LRRC37A2: variants seen among roughly 807,000 people sequenced by gnomAD.
The protein encoded by LRRC37A2 is leucine rich repeat containing 37 member A2, also known as leucine-rich repeat-containing protein 37A2.
A neutral mutation model predicts 68.8 loss-of-function variants in LRRC37A2; 9 were observed. The observed-to-expected ratio is 0.13, with a 90% CI of 0.08 to 0.23. The LOEUF is 0.23. LRRC37A2 is among the 10% of genes least tolerant of loss of function. The pLI is 1.00. For missense variants in LRRC37A2, 168 were observed against 950.4 expected (o/e 0.18, Z 10.82); for synonymous variants, 63 against 367.6 (o/e 0.17, Z 9.48).
the LRRC37A2 span, among the ~76,000 whole-genome samples, chr17:46,925,293 C>T: frequency 6.6e-6 from 1 of 152,206 alleles, no homozygotes; most frequent in Non-Finnish European, 1.5e-5. Context: ...AAGCAGTGGG[C>T]CAGCTTTGCC....
the LRRC37A2 span, among the ~76,000 whole-genome samples, chr17:46,602,784 A>G: frequency 6.8e-6 from 1 of 146,346 alleles, no homozygotes; most frequent in East Asian, 2.0e-4. Flanking sequence ...AATAATATTG[A>G]TATAATTTTG....
the LRRC37A2 span, among the ~76,000 whole-genome samples, chr17:46,789,313 T>C: frequency 0.015 from 2,232 of 152,212 alleles, 54 homozygotes; most frequent in African/African-American, 0.051. Context: ...CCAAGGACAG[T>C]CCCTGACCAG....
At chr17:46,876,848 G>A in the LRRC37A2 span, 1 of 1,425,294 alleles carries the variant, frequency 7.0e-7, no homozygotes, top group African/African-American at 1.4e-5. Context: ...CAATGCACAC[G>A]AGTGTGCCAC....
At chr17:46,890,436 A>AT in the LRRC37A2 span, among the ~76,000 whole-genome samples, 1 of 152,182 alleles carries the variant, frequency 6.6e-6, no homozygotes, top group Admixed American at 6.5e-5. Flanking sequence ...CTGGACTGCC[A>AT]TCAGGAGCTC....
At chr17:46,822,058 C>T in the LRRC37A2 span, among the ~76,000 whole-genome samples, 8 of 152,174 alleles carry the variant, frequency 5.3e-5, no homozygotes, top group Admixed American at 4.6e-4. Flanking sequence ...AAGGGAGAGG[C>T]GAAGCCGTTG....
the LRRC37A2 span, among the ~76,000 whole-genome samples, chr17:46,963,506 CGCACTCCAGCCTGG>C: frequency 5.4e-5 from 8 of 149,332 alleles, no homozygotes; most frequent in East Asian, 1.6e-3. Flanking sequence ...GATCACACCA[CGCACTCCAGCCTGG>C]GCGACAGAGT....
chr17:46,678,792 A>G, the LRRC37A2 span, among the ~76,000 whole-genome samples: 1 of 130,414 alleles, frequency 7.7e-6, no homozygotes, highest in Non-Finnish European at 1.6e-5. Flanking sequence ...ATAAGCAACA[A>G]CTAGCTAGTA....
the LRRC37A2 span, among the ~76,000 whole-genome samples, chr17:47,036,594 A>C: frequency 2.6e-5 from 4 of 152,052 alleles, no homozygotes; most frequent in Non-Finnish European, 4.4e-5. Flanking sequence ...TAAAAAAAAA[A>C]ACATTATTTC....
the LRRC37A2 span, among the ~76,000 whole-genome samples, chr17:46,893,657 T>TG: frequency 6.6e-6 from 1 of 152,020 alleles, no homozygotes; most frequent in Non-Finnish European, 1.5e-5. Context: ...CTCCTCACTA[T>TG]GGGGAGATGT....
chr17:47,008,430 T>A, the LRRC37A2 span, among the ~76,000 whole-genome samples: 1 of 151,704 alleles, frequency 6.6e-6, no homozygotes, highest in African/African-American at 2.4e-5. Context: ...TTAATTCCAA[T>A]TTGTATGTTG....
At chr17:46,575,313 G>C in the LRRC37A2 span, among the ~76,000 whole-genome samples, 1 of 150,584 alleles carries the variant, frequency 6.6e-6, no homozygotes, top group African/African-American at 2.5e-5. Flanking sequence ...TTCACAGTAA[G>C]AGCAGTGCAG....
At chr17:46,964,099 G>T in the LRRC37A2 span, 1 of 152,234 alleles carries the variant, frequency 6.6e-6, no homozygotes, top group African/African-American at 2.4e-5. Flanking sequence ...AAGTGTGGCT[G>T]AGTTGGTATG....
At chr17:46,398,051 G>A in the LRRC37A2 span, among the ~76,000 whole-genome samples, 5 of 80,270 alleles carry the variant, frequency 6.2e-5, no homozygotes, top group African/African-American at 1.8e-4. Flanking sequence ...CTTGAGCCAG[G>A]GAAGCAAAGG....
the LRRC37A2 span, chr17:46,749,637 G>C: frequency 1.3e-6 from 1 of 767,356 alleles, no homozygotes; most frequent in Non-Finnish European, 1.9e-6. Context: ...ATCCTGAATT[G>C]TTTTCTTCTG....
the LRRC37A2 span, chr17:46,876,933 C>T: frequency 7.5e-7 from 1 of 1,335,630 alleles, no homozygotes; most frequent in East Asian, 2.7e-5. Flanking sequence ...CTCCCTTAAC[C>T]CAAGCATCCC....
chr17:46,844,679 G>T, the LRRC37A2 span, among the ~76,000 whole-genome samples: 1 of 152,156 alleles, frequency 6.6e-6, no homozygotes, highest in Non-Finnish European at 1.5e-5. Flanking sequence ...TTACTCAGAT[G>T]AAAACAAACT....
the LRRC37A2 span, among the ~76,000 whole-genome samples, chr17:46,977,888 CAT>C: frequency 2.0e-5 from 3 of 152,264 alleles, no homozygotes; most frequent in African/African-American, 7.2e-5. Flanking sequence ...ATATTAGACT[CAT>C]ATATCCAGTG....
the LRRC37A2 span, among the ~76,000 whole-genome samples, chr17:46,825,186 G>A: frequency 6.6e-6 from 1 of 152,240 alleles, no homozygotes; most frequent in Non-Finnish European, 1.5e-5. Context: ...TACCTGAGGA[G>A]TTAGAGCCAG....
At chr17:46,942,766 T>C in the LRRC37A2 span, among the ~76,000 whole-genome samples, 1 of 152,230 alleles carries the variant, frequency 6.6e-6, no homozygotes, top group Non-Finnish European at 1.5e-5. Context: ...TTAGGCCTGC[T>C]GTACTTAGAA....
Sources: allele counts gnomAD v4.1 joint callset (sites outside exome capture counted in the v4.1 genomes callset), GRCh38; gene constraint gnomAD v4.1.1; transcripts MANE v1.5; gene names NCBI Gene and HGNC (gene_info 2026-07-23, HGNC 2026-07-21).